The following ERBB4 variants were observed in gnomAD, a reference collection of about 807,000 sequenced individuals.
ERBB4 encodes the protein receptor tyrosine-protein kinase erbB-4.
In ERBB4, 42 loss-of-function variants were observed where a neutral mutation model predicts 158.0. That is an observed-to-expected ratio of 0.27 (90% CI 0.21 to 0.34). The LOEUF is 0.34. Among genes scored for constraint, ERBB4 ranks in the 10% least tolerant of loss-of-function variants. ERBB4 has a pLI of 1.00. For missense variants in ERBB4, 1,333 were observed against 1,624.1 expected (o/e 0.82, Z 3.08); for synonymous variants, 583 against 558.7 (o/e 1.04, Z -0.61).
chr2:212,368,983 G>A (rs1257744279), intron 1 of ERBB4, among the ~76,000 whole-genome samples: 2 of 152,104 alleles, frequency 1.3e-5, no homozygotes, highest in African/African-American at 4.8e-5. Flanking sequence ...CCAACCTTCT[G>A]AATTAGAATC....
At chr2:212,145,727 T>TAAAA (rs5838300) in intron 1 of ERBB4, among the ~76,000 whole-genome samples, 1 of 88,882 alleles carries the variant, frequency 1.1e-5, no homozygotes, top group South Asian at 5.2e-4. Context: ...CAGCATGCAG[T>TAAAA]AAAAAAAAAA....
At chr2:211,698,539 T>G (rs2073110695) in intron 12 of ERBB4, among the ~76,000 whole-genome samples, 1 of 151,636 alleles carries the variant, frequency 6.6e-6, no homozygotes. Flanking sequence ...TTAAAAATAT[T>G]TTTATATATT....
At chr2:211,868,099 T>G (rs1050821261) in intron 3 of ERBB4, among the ~76,000 whole-genome samples, 2 of 152,198 alleles carry the variant, frequency 1.3e-5, no homozygotes, top group East Asian at 3.8e-4. Context: ...TCTCTCTGAT[T>G]AGTGTTATCT....
chr2:212,404,264 T>A (rs901572449), intron 1 of ERBB4, among the ~76,000 whole-genome samples: 79 of 152,018 alleles, frequency 5.2e-4, no homozygotes, highest in African/African-American at 1.9e-3. Context: ...CAAGTCATCC[T>A]TTTTCCTCCT....
At chr2:211,574,378 G>T (rs1187817182) in intron 19 of ERBB4, among the ~76,000 whole-genome samples, 1 of 152,110 alleles carries the variant, frequency 6.6e-6, no homozygotes, top group Non-Finnish European at 1.5e-5. Context: ...GAACTTCAAA[G>T]ACTACATAAA....
intron 2 of ERBB4, among the ~76,000 whole-genome samples, chr2:211,956,024 T>A (rs905368515): frequency 2.2e-5 from 3 of 136,640 alleles, no homozygotes; most frequent in Non-Finnish European, 4.7e-5. Context: ...TTCTATCATC[T>A]CTAAAGTGTG....
intron 1 of ERBB4, among the ~76,000 whole-genome samples, chr2:212,162,204 A>G (rs184944850): frequency 6.6e-6 from 1 of 152,002 alleles, no homozygotes; most frequent in Non-Finnish European, 1.5e-5. Flanking sequence ...CAAATAAATT[A>G]TAATATATTC....
chr2:212,511,236 T>C (rs972184849), intron 1 of ERBB4, among the ~76,000 whole-genome samples: 1 of 152,180 alleles, frequency 6.6e-6, no homozygotes, highest in Non-Finnish European at 1.5e-5. Context: ...AGAGTATCTT[T>C]TCATTGAAAG....
intron 2 of ERBB4, among the ~76,000 whole-genome samples, chr2:212,010,042 A>G (rs376832651): frequency 7.2e-5 from 11 of 152,304 alleles, no homozygotes; most frequent in African/African-American, 2.4e-4. Flanking sequence ...AAATTTTACC[A>G]GCTTTGGAAT....
intron 3 of ERBB4, among the ~76,000 whole-genome samples, chr2:211,902,217 A>C (rs575944189): frequency 6.6e-6 from 1 of 152,262 alleles, no homozygotes; most frequent in Non-Finnish European, 1.5e-5. Context: ...ATTTTGCGAA[A>C]AAACAAATAA....
chr2:211,826,364 A>C (rs1341286061), intron 3 of ERBB4, among the ~76,000 whole-genome samples: 1 of 151,848 alleles, frequency 6.6e-6, no homozygotes, highest in Admixed American at 6.6e-5. Flanking sequence ...GGAACCTTCT[A>C]TCTCAAGTAG....
At chr2:211,673,590 G>T (rs988771328) in intron 13 of ERBB4, among the ~76,000 whole-genome samples, 2 of 143,766 alleles carry the variant, frequency 1.4e-5, no homozygotes, top group African/African-American at 5.2e-5. Context: ...TTTAAATAGG[G>T]CTGTGCCTGT....
chr2:212,355,980 G>GA (rs1208180931), intron 1 of ERBB4, among the ~76,000 whole-genome samples: 1 of 151,642 alleles, frequency 6.6e-6, no homozygotes, highest in Non-Finnish European at 1.5e-5. Flanking sequence ...TGACGCTAAG[G>GA]AAAAAAGCAC....
intron 1 of ERBB4, among the ~76,000 whole-genome samples, chr2:212,411,615 T>C (rs903191923): frequency 6.6e-6 from 1 of 152,134 alleles, no homozygotes; most frequent in African/African-American, 2.4e-5. Context: ...ATAGAAAAGT[T>C]ACTTGATTGG....
intron 1 of ERBB4, among the ~76,000 whole-genome samples, chr2:212,146,497 T>A (rs1359735186): frequency 6.6e-6 from 1 of 152,224 alleles, no homozygotes; most frequent in Non-Finnish European, 1.5e-5. Flanking sequence ...CTATTTCTTC[T>A]CCTTCTACTT....
At chr2:212,450,196 A>G (rs538478719) in intron 1 of ERBB4, among the ~76,000 whole-genome samples, 35 of 152,316 alleles carry the variant, frequency 2.3e-4, no homozygotes, top group African/African-American at 8.4e-4. Flanking sequence ...GGGGAGAAAA[A>G]GTATGACTAT....
chr2:211,993,684 T>C (rs1225184417), intron 2 of ERBB4, among the ~76,000 whole-genome samples: 1 of 151,896 alleles, frequency 6.6e-6, no homozygotes, highest in East Asian at 1.9e-4. Flanking sequence ...TTTTAAATAT[T>C]GGTATGACAT....
At chr2:211,885,017 T>A (rs1169462590) in intron 3 of ERBB4, among the ~76,000 whole-genome samples, 1 of 152,156 alleles carries the variant, frequency 6.6e-6, no homozygotes, top group African/African-American at 2.4e-5. Flanking sequence ...TTGTGGGTAA[T>A]GGGTTGGATA....
chr2:212,084,707 A>C (rs755663067), intron 2 of ERBB4, among the ~76,000 whole-genome samples: 3 of 151,998 alleles, frequency 2.0e-5, no homozygotes, highest in Non-Finnish European at 2.9e-5. Context: ...CTTCATCTGA[A>C]ACATAGAGAA....
Sources: gnomAD v4.1 joint callset for allele counts (sites outside exome capture counted in the v4.1 genomes callset) on GRCh38, gnomAD v4.1.1 for gene constraint, MANE v1.5 for transcripts, NCBI Gene and HGNC (gene_info 2026-07-23, HGNC 2026-07-21) for gene names.